CAST: variants seen among roughly 807,000 people sequenced by gnomAD.
CAST encodes the protein calpastatin.
In CAST, 76 loss-of-function variants were observed where a neutral mutation model predicts 119.6. That is an observed-to-expected ratio of 0.64 (90% CI 0.53 to 0.77). The LOEUF (loss-of-function observed/expected upper bound fraction) is 0.77, where lower values mean the gene tolerates loss of function less well. CAST is among the 30% of genes least tolerant of loss of function. The probability of loss-of-function intolerance (pLI) is 0.00; values close to 1 mark genes in which losing one functional copy is unlikely to be tolerated. For synonymous variants in CAST, 319 were observed against 331.6 expected (o/e 0.96, Z 0.41); for missense variants, 953 against 946.5 (o/e 1.01, Z -0.09).
the CAST span, chr5:96,432,790 C>T: frequency 2.3e-6 from 3 of 1,318,880 alleles, no homozygotes; most frequent in Non-Finnish European, 3.3e-6. Context: ...GGGGCTCCCA[C>T]TTGGAAGACC....
rs183141749 is a variant in CAST, at chr5:96,570,575, C to T, written c.60+40695C>T. Among the ~76,000 whole-genome samples, 47 of 152,200 alleles carry T rather than the reference C, an allele frequency of 3.1e-4. No individual in the cohort carries two copies. In the Middle Eastern group the frequency reaches 0.017, roughly 55 times the overall value. On this transcript the variant is annotated intron_variant, in intron 1 of 11. Coordinates refer to the CAST transcript ENST00000505143. ...ATGGATGAGAAAAGAGACATTTGAG[C>T]GGATTCCTTTCTGTAATGAATACAA...
chr5:96,485,598 C>G, the CAST span, among the ~76,000 whole-genome samples: 39,841 of 151,944 alleles, frequency 0.26, 6,156 homozygotes, highest in East Asian at 0.42. Context: ...ATAGTTCGAA[C>G]CTGGGACCAT....
At chr5:96,042,772 C>G in the CAST span, among the ~76,000 whole-genome samples, 2 of 152,208 alleles carry the variant, frequency 1.3e-5, no homozygotes, top group African/African-American at 2.4e-5. Flanking sequence ...GTTACTTAAT[C>G]TCTCTGAGCC....
At chr5:96,689,524 T>C (rs896201251) in intron 2 of CAST, among the ~76,000 whole-genome samples, 2 of 152,192 alleles carry the variant, frequency 1.3e-5, no homozygotes, top group Non-Finnish European at 2.9e-5. Flanking sequence ...CCAGAGATCA[T>C]TTGATGAAAA....
the CAST span, among the ~76,000 whole-genome samples, chr5:96,183,282 A>G: frequency 6.6e-6 from 1 of 151,338 alleles, no homozygotes. Context: ...TGATGAAGCA[A>G]AAATTATACA....
chr5:96,709,915 A>T (rs1755759450), intron 3 of CAST, among the ~76,000 whole-genome samples: 1 of 152,236 alleles, frequency 6.6e-6, no homozygotes, highest in Non-Finnish European at 1.5e-5. Context: ...ATCTACCTAT[A>T]AAATGATAGC....
chr5:96,213,602 A>G, the CAST span: 2 of 152,122 alleles, frequency 1.3e-5, no homozygotes, highest in African/African-American at 4.8e-5. Context: ...TGGGCAATGT[A>G]GTGAGATCCT....
At chr5:96,268,341 G>C in the CAST span, among the ~76,000 whole-genome samples, 1 of 152,178 alleles carries the variant, frequency 6.6e-6, no homozygotes, top group Admixed American at 6.5e-5. Flanking sequence ...AGGAGGCTCA[G>C]ATGGGAGAAT....
At chr5:96,755,855 C>T (rs551356672) in intron 22 of CAST, among the ~76,000 whole-genome samples, 1 of 152,244 alleles carries the variant, frequency 6.6e-6, no homozygotes, top group East Asian at 1.9e-4. Flanking sequence ...TGCAAAGTTC[C>T]TAGAGAGCAT....
chr5:96,494,729 A>G, the CAST span, among the ~76,000 whole-genome samples: 10 of 152,206 alleles, frequency 6.6e-5, no homozygotes, highest in African/African-American at 2.4e-4. Flanking sequence ...CATTAGTATA[A>G]GAGTTCCCAC....
chr5:96,240,126 G>A, the CAST span, among the ~76,000 whole-genome samples: 16 of 152,026 alleles, frequency 1.1e-4, no homozygotes, highest in African/African-American at 3.6e-4. Flanking sequence ...TTATACCATA[G>A]ATTATTTTCA....
chr5:96,437,661 C>T, the CAST span, among the ~76,000 whole-genome samples: 3 of 152,248 alleles, frequency 2.0e-5, no homozygotes, highest in South Asian at 6.2e-4. Flanking sequence ...CACTTGGAAG[C>T]TTGTTAGAAA....
intron 1 of CAST, among the ~76,000 whole-genome samples, chr5:96,567,337 C>T (rs970615199): frequency 3.9e-5 from 6 of 152,168 alleles, no homozygotes; most frequent in Non-Finnish European, 8.8e-5. Context: ...CCAACAGCTT[C>T]GCCTCAGCAT....
the CAST span, among the ~76,000 whole-genome samples, chr5:96,356,506 T>G: frequency 2.6e-5 from 4 of 152,208 alleles, no homozygotes; most frequent in Non-Finnish European, 5.9e-5. Flanking sequence ...AGTTAATTTT[T>G]GCATAAGGTG....
chr5:96,559,583 A>T (rs1046529871), intron 1 of CAST, among the ~76,000 whole-genome samples: 2 of 152,250 alleles, frequency 1.3e-5, no homozygotes, highest in African/African-American at 4.8e-5. Context: ...GAGCAAAATC[A>T]TGAGTGAACT....
At chr5:96,571,222 T>C (rs994489316) in intron 1 of CAST, among the ~76,000 whole-genome samples, 1 of 152,146 alleles carries the variant, frequency 6.6e-6, no homozygotes, top group Admixed American at 6.5e-5. Context: ...GGCTCTTCAC[T>C]TCCGTAGAGA....
At chr5:96,366,323 G>A in the CAST span, among the ~76,000 whole-genome samples, 1 of 152,134 alleles carries the variant, frequency 6.6e-6, no homozygotes, top group African/African-American at 2.4e-5. Flanking sequence ...TGCTCTTCTT[G>A]AGGAGTATCT....
chr5:96,125,984 G>A, the CAST span, among the ~76,000 whole-genome samples: 18 of 152,242 alleles, frequency 1.2e-4, no homozygotes, highest in South Asian at 3.7e-3. Context: ...AGTACTTACA[G>A]TTATGATCTC....
chr5:96,055,108 G>A, the CAST span, among the ~76,000 whole-genome samples: 1 of 151,990 alleles, frequency 6.6e-6, no homozygotes, highest in African/African-American at 2.4e-5. Flanking sequence ...TCTAAACCCA[G>A]AATCTTGGTG....
Sources: gnomAD v4.1 joint callset for allele counts (sites outside exome capture counted in the v4.1 genomes callset) on GRCh38, gnomAD v4.1.1 for gene constraint, MANE v1.5 for transcripts, NCBI Gene and HGNC (gene_info 2026-07-23, HGNC 2026-07-21) for gene names.